Variants in DNAH11 observed in about 807,000 individuals in gnomAD.
DNAH11 encodes the protein dynein axonemal heavy chain 11, also known as axonemal beta dynein heavy chain 11.
A neutral mutation model predicts 526.0 loss-of-function variants in DNAH11; 442 were observed. The ratio of observed to expected loss-of-function variants is 0.84; its 90% CI spans 0.78 to 0.91. The LOEUF (loss-of-function observed/expected upper bound fraction) is 0.91, where lower values mean the gene tolerates loss of function less well. DNAH11 is among the 40% of genes least tolerant of loss of function. The pLI is 0.00. For missense variants in DNAH11, 6,989 were observed against 5,448.7 expected (o/e 1.28, Z -8.90); for synonymous variants, 2,461 against 1,935.9 (o/e 1.27, Z -7.12).
chr7:21,589,541 C>G (rs769062810), intron 12 of DNAH11, 138 bp downstream of exon 12: 6 of 651,086 alleles, frequency 9.2e-6, no homozygotes, highest in Middle Eastern at 4.2e-4. Flanking sequence ...CAATTTCTTA[C>G]AGGTCTTCAT....
chr7:21,615,093 G>T (rs753868558), intron 20 of DNAH11, 21 bp from the exon 21 acceptor site: 1 of 1,585,868 alleles, frequency 6.3e-7, no homozygotes, highest in Non-Finnish European at 8.5e-7. Flanking sequence ...TTGTATGCAG[G>T]TGTTTATGTT....
chr7:21,848,229 C>T (rs1782496282), intron 66 of DNAH11, among the ~76,000 whole-genome samples: 2 of 149,696 alleles, frequency 1.3e-5, no homozygotes, highest in South Asian at 2.1e-4. Flanking sequence ...TTATGTAATG[C>T]ACTTCTTTGT....
At chr7:21,729,733 C>A (rs1785292717) in intron 45 of DNAH11, among the ~76,000 whole-genome samples, 4 of 152,298 alleles carry the variant, frequency 2.6e-5, no homozygotes, top group Middle Eastern at 3.4e-3. Flanking sequence ...CATCTGAGGT[C>A]TCACCAGAAG....
chr7:21,554,215 G>A (rs528588805), intron 2 of DNAH11, among the ~76,000 whole-genome samples: 5 of 142,402 alleles, frequency 3.5e-5, no homozygotes, highest in Admixed American at 1.5e-4. Context: ...ACTCTGTTGC[G>A]CAAGCTGGAG....
intron 55 of DNAH11, among the ~76,000 whole-genome samples, chr7:21,767,453 C>T (rs17145316): frequency 0.065 from 9,814 of 152,152 alleles, 425 homozygotes; most frequent in South Asian, 0.19. Context: ...TGCCGTTGAC[C>T]GTTGACATCT....
chr7:21,662,401 C>A (rs562123405), intron 30 of DNAH11, among the ~76,000 whole-genome samples: 1 of 152,084 alleles, frequency 6.6e-6, no homozygotes. Flanking sequence ...TCCATCAATT[C>A]ATTTTGTGTC....
chr7:21,561,903 T>G (rs1783473834), intron 5 of DNAH11, among the ~76,000 whole-genome samples: 1 of 152,212 alleles, frequency 6.6e-6, no homozygotes, highest in South Asian at 2.1e-4. Context: ...AAAAGTTTAT[T>G]TTTTCCCACG....
At chr7:21,621,540 T>G (rs912893792) in intron 25 of DNAH11, among the ~76,000 whole-genome samples, 4 of 152,108 alleles carry the variant, frequency 2.6e-5, no homozygotes, top group African/African-American at 9.7e-5. Flanking sequence ...TTTAGACCAA[T>G]ATCCTTGATG....
At chr7:21,606,361 A>C in intron 18 of DNAH11, 65 bp from the exon 19 acceptor site, 1 of 1,277,146 alleles carries the variant, frequency 7.8e-7, no homozygotes, top group Non-Finnish European at 1.1e-6. Context: ...GAGTCATTTA[A>C]TCCTATAGGG....
intron 25 of DNAH11, among the ~76,000 whole-genome samples, chr7:21,624,374 G>C (rs1214230659): frequency 6.6e-6 from 1 of 152,094 alleles, no homozygotes; most frequent in Non-Finnish European, 1.5e-5. Flanking sequence ...TTTGTTGTTA[G>C]TATAAAAGAA....
At chr7:21,610,933 C>G (rs1785497367) in intron 20 of DNAH11, among the ~76,000 whole-genome samples, 1 of 152,212 alleles carries the variant, frequency 6.6e-6, no homozygotes, top group Admixed American at 6.5e-5. Context: ...AGAATATAGT[C>G]TGCAAGATAA....
Position 21,706,632 on chromosome 7 carries a change from A to T in DNAH11, c.6547-1067A>T, listed in dbSNP as rs151058768. Among the ~76,000 whole-genome samples the T allele has an allele frequency of 5.0e-3, 760 of 152,320 alleles. 10 individuals carry two copies. The highest frequency in any genetic ancestry group is 0.017 in the African/African-American group (723 of 41,578). ...TCCAGTGGATTAATGGTTTCTAAAA[A>T]TATAAGCTTAATATTCCTAAGGCAT... On this transcript the variant is annotated intron_variant, in intron 39 of 81. Transcript: ENST00000409508.
chr7:21,789,417 A>T (rs1788337449), intron 61 of DNAH11, 75 bp downstream of exon 61: 1 of 909,106 alleles, frequency 1.1e-6, no homozygotes, highest in Non-Finnish European at 1.7e-6. Flanking sequence ...CCACCCTCAG[A>T]CAGCACCATA....
intron 66 of DNAH11, among the ~76,000 whole-genome samples, chr7:21,844,405 A>T (rs534570487): frequency 6.6e-6 from 1 of 152,220 alleles, no homozygotes; most frequent in Non-Finnish European, 1.5e-5. Flanking sequence ...AGCCTGGAGG[A>T]CAGAGCAAGA....
At chr7:21,683,009 T>C (rs776265895) in intron 31 of DNAH11, among the ~76,000 whole-genome samples, 5 of 152,226 alleles carry the variant, frequency 3.3e-5, no homozygotes, top group Admixed American at 6.5e-5. Flanking sequence ...TATCTTCTTA[T>C]ATATTTTATT....
chr7:21,815,320 T>C (rs1789732795), intron 63 of DNAH11, among the ~76,000 whole-genome samples: 1 of 152,226 alleles, frequency 6.6e-6, no homozygotes, highest in South Asian at 2.1e-4. Flanking sequence ...ATTGCCTATG[T>C]CTCTAAGGGA....
At chr7:21,888,086 C>G (rs536109155) in intron 76 of DNAH11, among the ~76,000 whole-genome samples, 1 of 152,304 alleles carries the variant, frequency 6.6e-6, no homozygotes, top group African/African-American at 2.4e-5. Flanking sequence ...GACTTGCTGT[C>G]TGGCTTTGTG....
chr7:21,793,181 T>G (rs976296566), intron 61 of DNAH11, among the ~76,000 whole-genome samples: 7 of 152,214 alleles, frequency 4.6e-5, no homozygotes, highest in African/African-American at 1.7e-4. Context: ...TTGCCAACTT[T>G]CCTCTTGTTT....
chr7:21,822,094 T>C (rs1172830094), intron 65 of DNAH11, among the ~76,000 whole-genome samples: 1 of 152,208 alleles, frequency 6.6e-6, no homozygotes, highest in African/African-American at 2.4e-5. Flanking sequence ...ACAATTTCTT[T>C]ACCCATTTGT....
Sources: gnomAD v4.1 joint callset for allele counts (sites outside exome capture counted in the v4.1 genomes callset) on GRCh38, gnomAD v4.1.1 for gene constraint, MANE v1.5 for transcripts, NCBI Gene and HGNC (gene_info 2026-07-23, HGNC 2026-07-21) for gene names.